The following NPEPPS variants were observed in gnomAD, a reference collection of about 807,000 sequenced individuals.
The protein encoded by NPEPPS is puromycin-sensitive aminopeptidase.
Under a neutral mutation model 115.5 loss-of-function variants are expected in NPEPPS, and 14 were observed. That is an observed-to-expected ratio of 0.12 (90% confidence interval 0.08 to 0.19). The LOEUF is 0.19. Among genes scored for constraint, NPEPPS ranks in the 10% least tolerant of loss-of-function variants. The probability of loss-of-function intolerance (pLI) is 1.00; values close to 1 mark genes in which losing one functional copy is unlikely to be tolerated. For synonymous variants in NPEPPS, 285 were observed against 390.6 expected (o/e 0.73, Z 3.19); for missense variants, 523 against 1,110.8 (o/e 0.47, Z 7.52).
chr17:47,582,161 G>C (rs947779056), intron 4 of NPEPPS: 8 of 152,402 alleles, frequency 5.2e-5, no homozygotes, highest in Admixed American at 2.0e-4. Flanking sequence ...AATTTTTAAT[G>C]AAAGAGTAAG....
chr17:47,536,388 C>CTTTTTTTTTTT (rs749380530), intron 1 of NPEPPS, among the ~76,000 whole-genome samples: 2 of 69,940 alleles, frequency 2.9e-5, no homozygotes, highest in Non-Finnish European at 3.0e-5. Flanking sequence ...TATTTTCTCT[C>CTTTTTTTTTTT]TTTTTTTTTT....
rs937523161 is a variant in NPEPPS, at chr17:47,550,495, A to G, written c.340+4502A>G. On this transcript the variant is annotated intron_variant, in intron 2 of 22. Transcript: ENST00000322157. ...AGGCTTTTATTAACGCTGTTTGGAT[A>G]TTAGTTATGTACCCTTTTCTCTTTG... is the stretch of plus-strand genomic sequence containing the variant. 2.7e-5 allele frequency among the ~76,000 whole-genome samples: 4 copies of G among 149,634 alleles called. No individual in the cohort carries two copies. In the South Asian group the frequency reaches 8.4e-4, roughly 31 times the overall value.
chr17:47,616,058 C>T (rs543926929), intron 19 of NPEPPS, among the ~76,000 whole-genome samples: 11 of 152,138 alleles, frequency 7.2e-5, no homozygotes, highest in Non-Finnish European at 1.2e-4. Context: ...AAAACGCTTC[C>T]TGAAAGCCAG....
At chr17:47,606,518 C>T (rs112100907) in intron 17 of NPEPPS, among the ~76,000 whole-genome samples, 8,113 of 151,258 alleles carry the variant, frequency 0.054, 396 homozygotes, top group African/African-American at 0.11. Flanking sequence ...AACGCAGTGG[C>T]GCCATCTCGG....
At chr17:47,595,117 G>A (rs1912781621) in intron 12 of NPEPPS, among the ~76,000 whole-genome samples, 2 of 152,092 alleles carry the variant, frequency 1.3e-5, no homozygotes, top group Admixed American at 6.6e-5. Flanking sequence ...TTTTAGTAGA[G>A]ACAGGGTTTC....
At position 47,611,654 on chromosome 17, in the gene NPEPPS, G is replaced by A. The variant is rs75933435; in HGVS notation, c.2096-806G>A. Among the ~76,000 whole-genome samples, 5 of 152,168 alleles carry A rather than the reference G, an allele frequency of 3.3e-5. No homozygotes were observed. The South Asian group carries it at 8.3e-4, about 25-fold the overall frequency. On this transcript the variant is annotated intron_variant, in intron 17 of 22. Transcript: ENST00000322157. ...TGCTTGGTTAATTATTAAGTTTTTT[G>A]TAGAAACAGGGTCTTGCTGTGTTGC...
intron 16 of NPEPPS, among the ~76,000 whole-genome samples, chr17:47,604,491 T>A (rs1049469640): frequency 2.0e-5 from 3 of 152,246 alleles, no homozygotes; most frequent in African/African-American, 7.2e-5. Flanking sequence ...ATATTTATAT[T>A]TGGCTTTCTT....
intron 4 of NPEPPS, chr17:47,581,242 A>G (rs1044626001): frequency 6.6e-6 from 1 of 152,036 alleles, no homozygotes; most frequent in Non-Finnish European, 1.5e-5. Context: ...GATATCGAAA[A>G]TTAAACTGTT....
chr17:47,614,786 A>G (rs996905204), intron 19 of NPEPPS, among the ~76,000 whole-genome samples: 3 of 152,190 alleles, frequency 2.0e-5, no homozygotes, highest in Admixed American at 2.0e-4. Context: ...AAATGTGCCT[A>G]AAAACCCATT....
chr17:47,551,689 CAA>C (rs1909659153), intron 2 of NPEPPS, among the ~76,000 whole-genome samples: 1 of 102,866 alleles, frequency 9.7e-6, no homozygotes, highest in African/African-American at 3.4e-5. Flanking sequence ...AGGCTGCTCT[CAA>C]ACTGTTGACA....
At chr17:47,541,230 A>G (rs1031986345) in intron 1 of NPEPPS, among the ~76,000 whole-genome samples, 25 of 152,304 alleles carry the variant, frequency 1.6e-4, no homozygotes, top group Admixed American at 3.9e-4. Context: ...TTGATGGATG[A>G]AAGTGTGGTT....
chr17:47,601,531 A>G, intron 14 of NPEPPS, 77 bp from the exon 15 acceptor site: 1 of 1,541,652 alleles, frequency 6.5e-7, no homozygotes, highest in Non-Finnish European at 8.9e-7. Context: ...GCTCCTGGTT[A>G]GAACACCACC....
chr17:47,552,639 A>G (rs1435970982), intron 2 of NPEPPS, among the ~76,000 whole-genome samples: 1 of 152,216 alleles, frequency 6.6e-6, no homozygotes, highest in African/African-American at 2.4e-5. Flanking sequence ...AACATTATTT[A>G]AATAGCCTTA....
intron 21 of NPEPPS, 137 bp downstream of exon 21, chr17:47,619,301 AC>A: frequency 1.2e-6 from 1 of 867,538 alleles, no homozygotes; most frequent in Non-Finnish European, 1.8e-6. Context: ...CGCCTGTAAT[AC>A]CAGCACTTTG....
chr17:47,596,126 C>T (rs1912862649), intron 12 of NPEPPS: 2 of 375,150 alleles, frequency 5.3e-6, no homozygotes, highest in South Asian at 5.9e-5. Context: ...GCACTCTAGC[C>T]TGGGTGATGA....
chr17:47,562,041 C>T (rs1910463883), intron 2 of NPEPPS, among the ~76,000 whole-genome samples: 1 of 152,238 alleles, frequency 6.6e-6, no homozygotes, highest in Admixed American at 6.5e-5. Flanking sequence ...GTGGTGCACC[C>T]AGGGAGGGTA....
chr17:47,569,809 A>T (rs1334562081), intron 3 of NPEPPS, among the ~76,000 whole-genome samples: 1 of 151,966 alleles, frequency 6.6e-6, no homozygotes, highest in Non-Finnish European at 1.5e-5. Context: ...AGTAGAGACA[A>T]GGTTTCGCCA....
At position 47,622,498 on chromosome 17, in the gene NPEPPS, T is replaced by C. The variant is rs1914642284; in HGVS notation, c.*578T>C. 1 of 230,760 alleles carries C rather than the reference T, an allele frequency of 4.3e-6. No homozygotes were observed. Among genetic ancestry groups the C allele is most frequent in the East Asian group, 1.6e-4 (1 of 6,124 alleles). 14.3% of individuals were successfully genotyped at this position (230,760 alleles called of 1,614,324 possible). A position where few individuals can be genotyped will look rare whatever the true frequency, so the allele number is the denominator to read the frequency against. ...ATAACTCAATCTGAACCAAGGATTG[T>C]AGTTTAGTTTTCCTCCTTGCCTTCC... On this transcript the variant is annotated 3_prime_UTR_variant, in exon 23 of 23. Transcript: ENST00000322157.
At chr17:47,594,591 T>TTTATTTTATGTTATGTTATG (rs1173846090) in intron 12 of NPEPPS, among the ~76,000 whole-genome samples, 3 of 138,200 alleles carry the variant, frequency 2.2e-5, no homozygotes, top group South Asian at 2.4e-4. Flanking sequence ...TGTATTTTAT[T>TTTATTTTATGTTATGTTATG]TTATGTTATG....
Sources: allele counts gnomAD v4.1 joint callset (sites outside exome capture counted in the v4.1 genomes callset), GRCh38; gene constraint gnomAD v4.1.1; transcripts MANE v1.5; gene names NCBI Gene and HGNC (gene_info 2026-07-23, HGNC 2026-07-21).